The following ERBIN variants were observed in gnomAD, a reference collection of about 807,000 sequenced individuals.
The protein encoded by ERBIN is erbb2 interacting protein.
Under a neutral mutation model 158.4 loss-of-function variants are expected in ERBIN, and 60 were observed. That is an observed-to-expected ratio of 0.38 (90% CI 0.31 to 0.47). The LOEUF (loss-of-function observed/expected upper bound fraction) is 0.47. ERBIN is among the 20% of genes least tolerant of loss of function. The pLI is 0.99. For synonymous variants in ERBIN, 594 were observed against 557.2 expected (o/e 1.07, Z -0.93); for missense variants, 1,610 against 1,648.0 (o/e 0.98, Z 0.40).
At chr5:66,008,147 G>T (rs555297991) in intron 4 of ERBIN, among the ~76,000 whole-genome samples, 1 of 152,132 alleles carries the variant, frequency 6.6e-6, no homozygotes, top group African/African-American at 2.4e-5. Context: ...GGCCAGGCAC[G>T]GTGGCTCACA....
chr5:66,018,465 A>ATT (rs1257826778), intron 7 of ERBIN, among the ~76,000 whole-genome samples: 2 of 7,622 alleles, frequency 2.6e-4, no homozygotes, highest in African/African-American at 4.2e-4. Context: ...TATATTATAT[A>ATT]ATATATATTA....
At chr5:66,070,622 A>T (rs569949273) in intron 21 of ERBIN, among the ~76,000 whole-genome samples, 1 of 152,274 alleles carries the variant, frequency 6.6e-6, no homozygotes, top group East Asian at 1.9e-4. Flanking sequence ...ATACATTCAC[A>T]CTTGAGTTAA....
Position 66,024,399 on chromosome 5 carries a change from C to CA in ERBIN, c.768dup (p.Asp257ArgfsTer14). ...AGGAATTTCAACATGTGAAAACCTTCAAGACCTCCTATTATCAAGCAATTC... is the reference window on the plus strand; with the variant it reads ...AGGAATTTCAACATGTGAAAACCTTCAAAGACCTCCTATTATCAAGCAATTC... On this transcript the variant is annotated frameshift_variant, in exon 10 of 26. Coordinates refer to ENST00000284037, the MANE Select transcript of ERBIN (RefSeq NM_001253697.2). LOFTEE classifies it high-confidence loss of function. 1 of 1,607,162 alleles carries CA rather than the reference C, an allele frequency of 6.2e-7. No homozygotes were observed. Among genetic ancestry groups the CA allele is most frequent in the Non-Finnish European group, 8.5e-7 (1 of 1,178,066 alleles).
intron 20 of ERBIN, among the ~76,000 whole-genome samples, chr5:66,052,262 A>G (rs1389279927): frequency 1.3e-5 from 2 of 152,056 alleles, no homozygotes; most frequent in African/African-American, 2.4e-5. Context: ...GATATTTTTA[A>G]TAGTCATTTA....
In ERBIN at chr5:66,080,318, T is replaced by G. The variant is rs1055253324; in HGVS notation, c.*1788T>G. The G allele has an allele frequency of 6.6e-6, 1 of 152,566 alleles. No individual in the cohort carries two copies. Among genetic ancestry groups the G allele is most frequent in the Non-Finnish European group, 1.5e-5 (1 of 67,974 alleles). 9.5% of individuals were successfully genotyped at this position (152,566 alleles called of 1,614,324 possible). A position where few individuals can be genotyped will look rare whatever the true frequency, so the allele number is the denominator to read the frequency against. ...CAATTGGTTATTGTACTGTATAGTT[T>G]TAATAATTTTGATTGAAACCCTTTA... On this transcript the variant is annotated 3_prime_UTR_variant, in exon 26 of 26. Transcript: ENST00000284037.
chr5:66,072,314 T>C (rs1210947776), intron 22 of ERBIN, 23 bp downstream of exon 22: 4 of 1,549,140 alleles, frequency 2.6e-6, no homozygotes, highest in Non-Finnish European at 3.5e-6. Context: ...GAAAACAAAA[T>C]GTAGTATCTG....
chr5:65,973,167 A>T (rs1749453334), intron 1 of ERBIN, among the ~76,000 whole-genome samples: 1 of 150,884 alleles, frequency 6.6e-6, no homozygotes, highest in African/African-American at 2.5e-5. Context: ...AGAACAAAAA[A>T]CCAAACACCA....
chr5:66,022,673 T>C (rs1755825663), intron 8 of ERBIN, among the ~76,000 whole-genome samples: 1 of 152,168 alleles, frequency 6.6e-6, no homozygotes, highest in South Asian at 2.1e-4. Flanking sequence ...GCCACAACAC[T>C]TGGATTAATT....
chr5:66,082,349 C>A lies in ERBIN; in HGVS notation c.*3819C>A, dbSNP rs1324034462. The A allele has an allele frequency of 1.1e-4, 16 of 152,136 alleles. No homozygotes were observed. Among genetic ancestry groups the A allele is most frequent in the Admixed American group, 1.0e-3 (16 of 15,274 alleles). 9.4% of individuals were successfully genotyped at this position (152,136 alleles called of 1,614,324 possible). Reference sequence around the variant, plus strand: ...GCTGACAAAAAGAATCCTTCTGTTACAACTTTCTTTTCTAATGTAACAACC... The same window carrying A: ...GCTGACAAAAAGAATCCTTCTGTTAAAACTTTCTTTTCTAATGTAACAACC... On this transcript the variant is annotated 3_prime_UTR_variant, in exon 26 of 26. Coordinates refer to ENST00000284037, the MANE Select transcript of ERBIN (RefSeq NM_001253697.2).
chr5:65,948,010 C>A (rs371463033), intron 1 of ERBIN, among the ~76,000 whole-genome samples: 656 of 133,944 alleles, frequency 4.9e-3, no homozygotes, highest in Non-Finnish European at 5.4e-3. Flanking sequence ...AACTGCATTT[C>A]AAAAAAAAAA....
intron 1 of ERBIN, among the ~76,000 whole-genome samples, chr5:65,971,068 C>G (rs1023217556): frequency 7.2e-5 from 11 of 152,252 alleles, no homozygotes; most frequent in Admixed American, 3.3e-4. Flanking sequence ...TTGACTGATT[C>G]CTTTTGTTAT....
intron 23 of ERBIN, among the ~76,000 whole-genome samples, chr5:66,075,838 C>T (rs1761931990): frequency 6.6e-6 from 1 of 151,908 alleles, no homozygotes; most frequent in Admixed American, 6.6e-5. Flanking sequence ...AATCCCAACT[C>T]CTTTGAAGCC....
chr5:66,042,712 T>C (rs571659696), intron 15 of ERBIN, among the ~76,000 whole-genome samples: 1 of 152,254 alleles, frequency 6.6e-6, no homozygotes, highest in African/African-American at 2.4e-5. Flanking sequence ...ATCCATATTA[T>C]GTATAATGTT....
chr5:66,066,535 A>G (rs867254410), intron 21 of ERBIN, among the ~76,000 whole-genome samples: 1 of 150,912 alleles, frequency 6.6e-6, no homozygotes, highest in Non-Finnish European at 1.5e-5. Flanking sequence ...AAAAAAAAAA[A>G]CAAAAAAAAC....
chr5:66,051,983 T>G (rs116429302), intron 20 of ERBIN, among the ~76,000 whole-genome samples: 2,846 of 150,668 alleles, frequency 0.019, 39 homozygotes, highest in African/African-American at 0.027. Context: ...GATGATAGAT[T>G]GCTTGAGTAC....
rs1414236557 is a variant in ERBIN at position 66,038,447 on chromosome 5, A to G, written c.1271A>G (p.Asn424Ser). 2 of 1,612,154 alleles carry G rather than the reference A, an allele frequency of 1.2e-6. No individual in the cohort carries two copies. Among genetic ancestry groups the G allele is most frequent in the Non-Finnish European group, 1.7e-6 (2 of 1,178,748 alleles). Residue 424 changes from asparagine (N) to serine (S), a missense_variant, in exon 15 of 26, where the codon AAC becomes AGC. Transcript: ENST00000284037. ...DSETQKMVLT[N>S]YMFPQQPRTE... ...GAGACCCAGAAAATGGTGCTTACCA[A>G]CTACATGTTCCCTCAACAGCCAAGG... is the stretch of plus-strand genomic sequence containing the variant.
chr5:66,035,709 T>C (rs1486908287), intron 14 of ERBIN, among the ~76,000 whole-genome samples: 2 of 152,202 alleles, frequency 1.3e-5, no homozygotes, highest in African/African-American at 4.8e-5. Flanking sequence ...TTCGATTATA[T>C]GTTAAAATGA....
rs886953791 is a variant in ERBIN at position 66,080,873 on chromosome 5, G to A, written c.*2343G>A. 5.3e-5 allele frequency: 8 copies of A among 151,908 alleles called. No individual in the cohort carries two copies. Among genetic ancestry groups the A allele is most frequent in the Non-Finnish European group, 1.2e-4 (8 of 67,852 alleles). 9.4% of individuals were successfully genotyped at this position (151,908 alleles called of 1,614,324 possible). Reference sequence around the variant, plus strand: ...TTATAGTATTCTTGCAACACATAAAGTTGCGTAAGAAACTTTACCAAGAGG... The same window carrying A: ...TTATAGTATTCTTGCAACACATAAAATTGCGTAAGAAACTTTACCAAGAGG... On this transcript the variant is annotated 3_prime_UTR_variant, in exon 26 of 26. Transcript: ENST00000284037.
At chr5:65,976,351 T>C (rs1749850331) in intron 1 of ERBIN, among the ~76,000 whole-genome samples, 1 of 152,140 alleles carries the variant, frequency 6.6e-6, no homozygotes, top group Admixed American at 6.5e-5. Context: ...GCATACACTT[T>C]AATCCCAGCT....
Sources: allele counts gnomAD v4.1 joint callset (sites outside exome capture counted in the v4.1 genomes callset), GRCh38; gene constraint gnomAD v4.1.1; transcripts MANE v1.5; gene names NCBI Gene and HGNC (gene_info 2026-07-23, HGNC 2026-07-21).